FGR: variants seen among roughly 807,000 people sequenced by gnomAD.
The protein encoded by FGR is FGR proto-oncogene, Src family tyrosine kinase.
In FGR, 26 loss-of-function variants were observed where a neutral mutation model predicts 63.2. That is an observed-to-expected ratio of 0.41 (90% CI 0.30 to 0.57). The LOEUF (loss-of-function observed/expected upper bound fraction) is 0.57. Among genes scored for constraint, FGR ranks in the 20% least tolerant of loss-of-function variants. The probability of loss-of-function intolerance (pLI) is 0.27; values close to 1 mark genes in which losing one functional copy is unlikely to be tolerated. For missense variants in FGR, 511 were observed against 690.8 expected (o/e 0.74, Z 2.92); for synonymous variants, 286 against 277.7 (o/e 1.03, Z -0.30).
Position 27,612,811 on chromosome 1 carries a change from G to T in FGR, c.*103C>A. 9.1e-7 allele frequency: 1 copy of T among 1,093,368 alleles called. No homozygotes were observed. Among genetic ancestry groups the T allele is most frequent in the South Asian group, 1.5e-5 (1 of 66,334 alleles). The allele number at this position is 1,093,368 out of a possible 1,614,324, so 67.7% of individuals were successfully genotyped here. Reference sequence around the variant, plus strand: ...GCAGCCACGTCCTCGGTGATGCTAGGACTCTATGGGGTTCTAAGCCAGCCT... The same window carrying T: ...GCAGCCACGTCCTCGGTGATGCTAGTACTCTATGGGGTTCTAAGCCAGCCT... On this transcript the variant is annotated 3_prime_UTR_variant, in exon 13 of 13. Coordinates refer to ENST00000374005, the MANE Select transcript of FGR (RefSeq NM_005248.3).
rs2089774672 is a variant in FGR at position 27,614,930 on chromosome 1, G to A, written c.1019-4C>T. 1.9e-6 allele frequency: 3 copies of A among 1,594,462 alleles called. No homozygotes were observed. Among genetic ancestry groups the A allele is most frequent in the Non-Finnish European group, 2.6e-6 (3 of 1,168,942 alleles). ...TTGAGAAAATCCAGCAAGCTGCCTG[G>A]GAAGAAGCCAGAAAGTCAGCGGCAA... On this transcript the variant is annotated splice_polypyrimidine_tract_variant and splice_region_variant and intron_variant, in intron 9 of 12. Coordinates refer to ENST00000374005, the MANE Select transcript of FGR (RefSeq NM_005248.3).
chr1:27,628,968 A>T (rs1239635525), intron 1 of FGR, among the ~76,000 whole-genome samples: 1 of 152,206 alleles, frequency 6.6e-6, no homozygotes, highest in African/African-American at 2.4e-5. Context: ...TGACATCTGC[A>T]TGGCCCAAGG....
intron 5 of FGR, among the ~76,000 whole-genome samples, chr1:27,620,991 C>CAAAAAAAAA (rs59265327): frequency 2.0e-3 from 43 of 22,020 alleles, no homozygotes; most frequent in African/African-American, 2.9e-3. Context: ...GACCCTGTCT[C>CAAAAAAAAA]AAAAAAAAAA....
intron 1 of FGR, among the ~76,000 whole-genome samples, chr1:27,627,000 C>A (rs1317647483): frequency 2.7e-5 from 4 of 146,088 alleles, no homozygotes; most frequent in African/African-American, 1.1e-4. Context: ...CACCCCGTCT[C>A]TATAAAAAAA....
At position 27,615,035 on chromosome 1, in the gene FGR, C is replaced by G; in HGVS notation, c.1019-109G>C. 1 of 845,872 alleles carries G rather than the reference C, an allele frequency of 1.2e-6. No homozygotes were observed. Among genetic ancestry groups the G allele is most frequent in the Admixed American group, 2.1e-5 (1 of 48,176 alleles). 52.4% of individuals were successfully genotyped at this position (845,872 alleles called of 1,614,324 possible). A position where few individuals can be genotyped will look rare whatever the true frequency, so the allele number is the denominator to read the frequency against. On this transcript the variant is annotated intron_variant, in intron 9 of 12. Transcript: ENST00000374005. This position sits in a 1 kb window ranked among gnomAD's most constrained non-coding sequence, Gnocchi z 7.6. ...CCCTCCCACCTGGACCCGCCCCTCA[C>G]TTAGGACCCCGCGGGTGCCTCAACC...
At chr1:27,614,710 G>A in intron 10 of FGR, 127 bp from the exon 11 acceptor site, 1 of 1,355,812 alleles carries the variant, frequency 7.4e-7, no homozygotes, top group Non-Finnish European at 1.0e-6. Flanking sequence ...CAGAAAGAGA[G>A]GCAGTACCTC....
intron 5 of FGR, among the ~76,000 whole-genome samples, chr1:27,619,634 C>T (rs1421329168): frequency 1.3e-5 from 2 of 152,272 alleles, no homozygotes; most frequent in African/African-American, 4.8e-5. Context: ...TTCCTCTGGG[C>T]TGATTCAGGG....
In FGR at chr1:27,612,917, T is replaced by C. The variant is rs1297088313; in HGVS notation, c.1587A>G (p.Thr529=). ...AGAGGGTTGATGCCCGGACAGGCTA[T>C]GTCTGATCCCCGGGCTGGTACTGTG... ...AEPQYQPGDQ[T] Residue 529 remains threonine (T), a synonymous_variant, in exon 13 of 13, where the codon ACA becomes ACG. Transcript: ENST00000374005. 7.4e-6 allele frequency: 12 copies of C among 1,613,550 alleles called. No homozygotes were observed. The highest frequency in any genetic ancestry group is 4.4e-5 in the South Asian group (4 of 91,010).
rs537513089 is a variant in FGR at position 27,621,771 on chromosome 1, G to A, written c.330-114C>T. 160 of 748,694 alleles carry A rather than the reference G, an allele frequency of 2.1e-4. No homozygotes were observed. In the African/African-American group the frequency reaches 2.3e-3, roughly 11 times the overall value. The allele number at this position is 748,694 out of a possible 1,614,324, so 46.4% of individuals were successfully genotyped here. A position where few individuals can be genotyped will look rare whatever the true frequency, so the allele number is the denominator to read the frequency against. Reference sequence around the variant, plus strand: ...TGAATCCTGCCAAACCCTCATCTTGGACACCCCCCACCACTGGGGCTTTTG... The same window carrying A: ...TGAATCCTGCCAAACCCTCATCTTGAACACCCCCCACCACTGGGGCTTTTG... On this transcript the variant is annotated intron_variant, in intron 4 of 12. Coordinates refer to ENST00000374005, the MANE Select transcript of FGR (RefSeq NM_005248.3).
At chr1:27,625,281 C>T (rs541027159) in intron 1 of FGR, 130 bp from the exon 2 acceptor site, 20 of 153,078 alleles carry the variant, frequency 1.3e-4, no homozygotes, top group African/African-American at 4.8e-4. Flanking sequence ...TCTGCCTTCA[C>T]TTTCCTTCCT....
chr1:27,623,246 A>C (rs1364924842), intron 3 of FGR, 102 bp from the exon 4 acceptor site: 2 of 805,854 alleles, frequency 2.5e-6, no homozygotes, highest in East Asian at 5.3e-5. Flanking sequence ...GCACCTCCCC[A>C]CTCCTTTAGT....
At chr1:27,634,823 C>T (rs528303014) in intron 1 of FGR, among the ~76,000 whole-genome samples, 1 of 152,080 alleles carries the variant, frequency 6.6e-6, no homozygotes, top group Non-Finnish European at 1.5e-5. Context: ...TCCCTTTGGT[C>T]GGCTTCCCCC....
rs1557724425 is a variant in FGR, at chr1:27,613,129, G to T, written c.1382-7C>A. On this transcript the variant is annotated splice_polypyrimidine_tract_variant and splice_region_variant and intron_variant, in intron 12 of 12. Coordinates refer to ENST00000374005, the MANE Select transcript of FGR (RefSeq NM_005248.3). ...ACTTCCCGTTTATTCATGCCTGAAG[G>T]ATGGGTCTCTGTCAGTCAAAGGGAC... 1 of 1,613,628 alleles carries T rather than the reference G, an allele frequency of 6.2e-7. No homozygotes were observed. The highest frequency in any genetic ancestry group is 1.7e-5 in the Admixed American group (1 of 60,008).
rs1259291878 is a variant in FGR, at chr1:27,615,039, G to A, written c.1019-113C>T. ...CCCACCTGGACCCGCCCCTCACTTAGGACCCCGCGGGTGCCTCAACCCCTC... is the reference window on the plus strand; with the variant it reads ...CCCACCTGGACCCGCCCCTCACTTAAGACCCCGCGGGTGCCTCAACCCCTC... On this transcript the variant is annotated intron_variant, in intron 9 of 12. Coordinates refer to ENST00000374005, the MANE Select transcript of FGR (RefSeq NM_005248.3). This position sits in a 1 kb window ranked among gnomAD's most constrained non-coding sequence, Gnocchi z 7.6. 11 of 779,668 alleles carry A rather than the reference G, an allele frequency of 1.4e-5. No individual in the cohort carries two copies. The highest frequency in any genetic ancestry group is 3.2e-5 in the South Asian group (2 of 63,304). 48.3% of individuals were successfully genotyped at this position (779,668 alleles called of 1,614,324 possible).
chr1:27,631,142 G>A (rs2090099321), intron 1 of FGR, among the ~76,000 whole-genome samples: 1 of 152,140 alleles, frequency 6.6e-6, no homozygotes, highest in Non-Finnish European at 1.5e-5. Context: ...GCCAGACAAG[G>A]GATTCAAAGT....
At chr1:27,621,391 T>C (rs1003467493) in intron 5 of FGR, among the ~76,000 whole-genome samples, 168 bp downstream of exon 5, 31 of 152,218 alleles carry the variant, frequency 2.0e-4, no homozygotes, top group Admixed American at 3.3e-4. Context: ...TATTATCTAC[T>C]ATTATTATTA....
In FGR at chr1:27,621,572, T is replaced by C; in HGVS notation, c.415A>G (p.Ile139Val). 1 of 1,613,496 alleles carries C rather than the reference T, an allele frequency of 6.2e-7. No homozygotes were observed. Among genetic ancestry groups the C allele is most frequent in the Non-Finnish European group, 8.5e-7 (1 of 1,179,634 alleles). Residue 139 changes from isoleucine (I) to valine (V), a missense_variant, in exon 5 of 13, where the codon ATC becomes GTC. Coordinates refer to ENST00000374005, the MANE Select transcript of FGR (RefSeq NM_005248.3). ...ATCCCTACTTACTCTTCAGCTTGGA[T>C]TGAGTCAACAGGGGCCACGTAGTTG... is the stretch of plus-strand genomic sequence containing the variant. ...PSNYVAPVDSIQAEEWYFGKI... is the reference protein window; with the variant it reads ...PSNYVAPVDSVQAEEWYFGKI...
intron 1 of FGR, among the ~76,000 whole-genome samples, chr1:27,631,817 C>T (rs1462961506): frequency 6.6e-6 from 1 of 152,120 alleles, no homozygotes; most frequent in Non-Finnish European, 1.5e-5. Context: ...GGGATTTCAT[C>T]AAAAGGGAAC....
Position 27,616,658 on chromosome 1 carries a change from G to C in FGR, c.682+199C>G, listed in dbSNP as rs976806345. ...GGCCAATGCCTTGCTCAGTCATTAG[G>C]GGGTGCTGCTTGGTGAAGGACTGCT... On this transcript the variant is annotated intron_variant, in intron 7 of 12. Coordinates refer to ENST00000374005, the MANE Select transcript of FGR (RefSeq NM_005248.3). This position sits in a 1 kb window ranked among gnomAD's most constrained non-coding sequence, Gnocchi z 4.3. 6.6e-6 allele frequency among the ~76,000 whole-genome samples: 1 copy of C among 152,220 alleles called. No individual in the cohort carries two copies. Among genetic ancestry groups the C allele is most frequent in the Admixed American group, 6.5e-5 (1 of 15,292 alleles).
Sources: gnomAD v4.1 joint callset for allele counts (sites outside exome capture counted in the v4.1 genomes callset) on GRCh38, gnomAD v4.1.1 for gene constraint, Gnocchi (gnomAD v3.1) non-coding constraint, MANE v1.5 for transcripts, NCBI Gene and HGNC (gene_info 2026-07-23, HGNC 2026-07-21) for gene names.